The following GALNT13 variants were observed in gnomAD, a reference collection of about 807,000 sequenced individuals.
The protein encoded by GALNT13 is UDP-GalNAc:polypeptide N-acetylgalactosaminyltransferase 13.
In GALNT13, 28 loss-of-function variants were observed where a neutral mutation model predicts 64.2. That is an observed-to-expected ratio of 0.44 (90% CI 0.32 to 0.60). The LOEUF is 0.60. Ranked by LOEUF, GALNT13 falls within the 20% of genes least tolerant of loss-of-function variation. The pLI, the probability that GALNT13 is intolerant of heterozygous loss-of-function variation, is 0.05. For missense variants in GALNT13, 577 were observed against 669.8 expected (o/e 0.86, Z 1.53); for synonymous variants, 214 against 224.6 (o/e 0.95, Z 0.42).
At chr2:154,401,315 G>A (rs909744603) in intron 10 of GALNT13, among the ~76,000 whole-genome samples, 1 of 152,086 alleles carries the variant, frequency 6.6e-6, no homozygotes, top group African/African-American at 2.4e-5. Flanking sequence ...CTTTCTGTTG[G>A]TAATCAGATC....
intron 3 of GALNT13, among the ~76,000 whole-genome samples, chr2:154,065,037 C>T (rs1199179281): frequency 6.6e-6 from 1 of 152,086 alleles, no homozygotes; most frequent in Non-Finnish European, 1.5e-5. Flanking sequence ...TGGCATTCAA[C>T]ACAAGCTGAC....
chr2:154,355,276 C>T (rs989197834), intron 9 of GALNT13, among the ~76,000 whole-genome samples: 2 of 152,130 alleles, frequency 1.3e-5, no homozygotes, highest in South Asian at 4.1e-4. Context: ...TAAAAGGTCA[C>T]ATGAGATAAC....
chr2:153,938,832 T>C (rs1691133685), intron 2 of GALNT13, among the ~76,000 whole-genome samples: 1 of 152,154 alleles, frequency 6.6e-6, no homozygotes, highest in Non-Finnish European at 1.5e-5. Flanking sequence ...AATTACCTTT[T>C]TAAATCCCCT....
At chr2:153,365,734 T>G in the GALNT13 span, among the ~76,000 whole-genome samples, 1 of 152,034 alleles carries the variant, frequency 6.6e-6, no homozygotes, top group Non-Finnish European at 1.5e-5. Flanking sequence ...TATTAAAAAG[T>G]CAAGAAATAA....
rs186019783 is a variant in GALNT13 at position 153,907,514 on chromosome 2, C to T, written c.-105+6507C>T. Among the ~76,000 whole-genome samples the T allele has an allele frequency of 5.3e-5, 8 of 151,934 alleles. No homozygotes were observed. The South Asian group carries it at 1.0e-3, about 20-fold the overall frequency. ...ATTTTGTCACTGGAATACTAAGCCT[C>T]GTACCTAATGGTTATTTTTTTCTGT... On this transcript the variant is annotated intron_variant, in intron 2 of 12. Transcript: ENST00000392825.
chr2:153,228,505 T>C, the GALNT13 span, among the ~76,000 whole-genome samples: 2 of 152,150 alleles, frequency 1.3e-5, no homozygotes, highest in African/African-American at 4.8e-5. Context: ...ATTCCATCTC[T>C]AAGTTCTTTG....
the GALNT13 span, among the ~76,000 whole-genome samples, chr2:153,748,246 G>A: frequency 6.6e-6 from 1 of 152,050 alleles, no homozygotes; most frequent in Non-Finnish European, 1.5e-5. Flanking sequence ...ACTTGTGTGA[G>A]CAACTTTCAA....
intron 4 of GALNT13, among the ~76,000 whole-genome samples, chr2:154,152,885 T>A (rs945455994): frequency 6.6e-6 from 1 of 152,208 alleles, no homozygotes; most frequent in Non-Finnish European, 1.5e-5. Flanking sequence ...AATTTCCTCC[T>A]GTAGGTTGGA....
chr2:154,396,407 A>T (rs1699055159), intron 10 of GALNT13, among the ~76,000 whole-genome samples: 3 of 152,054 alleles, frequency 2.0e-5, no homozygotes. Context: ...TACCCCAAAC[A>T]CCTTTTGTTC....
the GALNT13 span, among the ~76,000 whole-genome samples, chr2:153,666,584 A>T: frequency 4.6e-5 from 7 of 152,310 alleles, no homozygotes; most frequent in South Asian, 1.5e-3. Context: ...TTGTCCAGAA[A>T]TGAAGCTAGT....
the GALNT13 span, among the ~76,000 whole-genome samples, chr2:153,591,428 C>A: frequency 1.3e-5 from 2 of 151,746 alleles, no homozygotes; most frequent in Non-Finnish European, 2.9e-5. Context: ...CCATAATTTC[C>A]CTCAGAATTA....
intron 2 of GALNT13, among the ~76,000 whole-genome samples, chr2:153,903,825 T>G (rs929410729): frequency 6.6e-6 from 1 of 152,022 alleles, no homozygotes; most frequent in Non-Finnish European, 1.5e-5. Context: ...GCAATGATTT[T>G]CACAAGCAAA....
At chr2:153,743,359 G>A in the GALNT13 span, among the ~76,000 whole-genome samples, 1 of 152,084 alleles carries the variant, frequency 6.6e-6, no homozygotes, top group Non-Finnish European at 1.5e-5. Context: ...AATGAACGTG[G>A]AAGTGCAGAC....
the GALNT13 span, among the ~76,000 whole-genome samples, chr2:153,437,727 T>C: frequency 1.5e-4 from 22 of 150,596 alleles, no homozygotes; most frequent in African/African-American, 4.2e-4. Flanking sequence ...TGTCTCTGCA[T>C]GTGAGATGGG....
chr2:153,290,681 G>A, the GALNT13 span, among the ~76,000 whole-genome samples: 1 of 152,128 alleles, frequency 6.6e-6, no homozygotes, highest in African/African-American at 2.4e-5. Context: ...ACAAGACCAA[G>A]GCATTTGCTT....
At chr2:153,593,833 A>G in the GALNT13 span, among the ~76,000 whole-genome samples, 1 of 152,208 alleles carries the variant, frequency 6.6e-6, no homozygotes, top group African/African-American at 2.4e-5. Flanking sequence ...TTCTGGTGGT[A>G]TAAGAACTCT....
At chr2:153,972,257 T>C (rs2105130085) in intron 3 of GALNT13, among the ~76,000 whole-genome samples, 1 of 152,186 alleles carries the variant, frequency 6.6e-6, no homozygotes, top group East Asian at 1.9e-4. Context: ...TAGCAACTAA[T>C]AACAATTTTT....
the GALNT13 span, among the ~76,000 whole-genome samples, chr2:153,693,182 T>C: frequency 6.6e-6 from 1 of 152,220 alleles, no homozygotes; most frequent in Non-Finnish European, 1.5e-5. Context: ...CCGGCAGATC[T>C]CTGGTACTTG....
chr2:153,810,025 A>G, the GALNT13 span, among the ~76,000 whole-genome samples: 3 of 152,044 alleles, frequency 2.0e-5, no homozygotes, highest in African/African-American at 7.2e-5. Flanking sequence ...CAGTGGTGCA[A>G]TCTCGGTTCA....
Sources: gnomAD v4.1 joint callset for allele counts (sites outside exome capture counted in the v4.1 genomes callset) on GRCh38, gnomAD v4.1.1 for gene constraint, MANE v1.5 for transcripts, NCBI Gene and HGNC (gene_info 2026-07-23, HGNC 2026-07-21) for gene names.